Variants in MSH4 observed in about 807,000 individuals in gnomAD.
MSH4 encodes mutS protein homolog 4.
MSH4 carries 106 observed loss-of-function variants against 113.7 expected under a neutral mutation model. The observed-to-expected ratio is 0.93, with a 90% CI of 0.80 to 1.10. The LOEUF (loss-of-function observed/expected upper bound fraction) is 1.10, where lower values mean the gene tolerates loss of function less well. Among genes scored for constraint, MSH4 ranks in the 50% least tolerant of loss-of-function variants. MSH4 has a pLI of 0.00. For synonymous variants in MSH4, 368 were observed against 380.2 expected, an observed-to-expected ratio of 0.97 and a Z score of 0.37; for missense variants, 1,061 against 1,093.7, an observed-to-expected ratio of 0.97 and a Z score of 0.42.
chr1:75,831,092 A>G (rs1484734765), intron 7 of MSH4, among the ~76,000 whole-genome samples: 1 of 152,236 alleles, frequency 6.6e-6, no homozygotes, highest in East Asian at 1.9e-4. Flanking sequence ...GGGATGGAGG[A>G]AGGTGTACCA....
intron 7 of MSH4, among the ~76,000 whole-genome samples, chr1:75,837,386 CTTTTTTTT>C (rs34812368): frequency 9.4e-6 from 1 of 106,628 alleles, no homozygotes; most frequent in Non-Finnish European, 1.9e-5. Flanking sequence ...AAATTGTGCC[CTTTTTTTT>C]TTTTTTTTTT....
At position 75,855,695 on chromosome 1, in the gene MSH4, T is replaced by A. The variant is rs557850003; in HGVS notation, c.1230+7419T>A. On this transcript the variant is annotated intron_variant, in intron 8 of 19. Coordinates refer to ENST00000263187, the MANE Select transcript of MSH4 (RefSeq NM_002440.4). Reference sequence around the variant, plus strand: ...TTCACATGGCTGTCTTTGTATGACATCAATATTATTGGACTAGGGGCCTAC... The same window carrying A: ...TTCACATGGCTGTCTTTGTATGACAACAATATTATTGGACTAGGGGCCTAC... Among the ~76,000 whole-genome samples the A allele has an allele frequency of 2.0e-5, 3 of 152,298 alleles. No individual in the cohort carries two copies. The East Asian group carries it at 5.8e-4, about 29-fold the overall frequency.
At chr1:75,806,395 C>T (rs186016701) in intron 2 of MSH4, among the ~76,000 whole-genome samples, 9 of 151,790 alleles carry the variant, frequency 5.9e-5, no homozygotes, top group African/African-American at 2.2e-4. Flanking sequence ...CCACAGGCAC[C>T]TGCCACCACG....
intron 6 of MSH4, among the ~76,000 whole-genome samples, chr1:75,820,606 T>C (rs2100518781): frequency 2.0e-5 from 3 of 152,340 alleles, no homozygotes; most frequent in Admixed American, 2.0e-4. Flanking sequence ...TTTATTTGCA[T>C]AGAGGTGTTT....
intron 9 of MSH4, among the ~76,000 whole-genome samples, chr1:75,870,907 A>G (rs1186656283): frequency 6.6e-6 from 1 of 152,234 alleles, no homozygotes; most frequent in African/African-American, 2.4e-5. Context: ...TTCATGAAAC[A>G]CAAATTTTAA....
intron 8 of MSH4, among the ~76,000 whole-genome samples, chr1:75,860,518 T>TA (rs1379874268): frequency 6.6e-6 from 1 of 152,218 alleles, no homozygotes; most frequent in Non-Finnish European, 1.5e-5. Context: ...CTCCTTCACT[T>TA]ATGAATCTTA....
intron 4 of MSH4, among the ~76,000 whole-genome samples, chr1:75,811,553 G>A (rs1650189315): frequency 6.6e-6 from 1 of 152,106 alleles, no homozygotes; most frequent in South Asian, 2.1e-4. Flanking sequence ...AATTTAATTT[G>A]TATTACAGAA....
chr1:75,859,642 C>T (rs111476147), intron 8 of MSH4, among the ~76,000 whole-genome samples: 19,797 of 152,120 alleles, frequency 0.13, 1,500 homozygotes, highest in East Asian at 0.27. Flanking sequence ...GTTGTGATTT[C>T]TATTCTTATA....
chr1:75,880,896 CA>C, intron 13 of MSH4, among the ~76,000 whole-genome samples: 1 of 151,870 alleles, frequency 6.6e-6, no homozygotes, highest in East Asian at 1.9e-4. Context: ...AAGTGATTAG[CA>C]AATGGGATCT....
intron 8 of MSH4, among the ~76,000 whole-genome samples, chr1:75,849,679 A>T (rs1389837407): frequency 2.0e-5 from 3 of 152,204 alleles, no homozygotes; most frequent in Non-Finnish European, 2.9e-5. Flanking sequence ...TGATGTTTGG[A>T]ATTAAATTAG....
At chr1:75,836,302 C>CTTTTTTTTTTTTT (rs71071968) in intron 7 of MSH4, among the ~76,000 whole-genome samples, 1 of 135,962 alleles carries the variant, frequency 7.4e-6, no homozygotes, top group African/African-American at 2.7e-5. Context: ...CTTTCTTTTT[C>CTTTTTTTTTTTTT]TTTTTTTTTT....
chr1:75,860,154 G>T (rs1318152597), intron 8 of MSH4, among the ~76,000 whole-genome samples: 3 of 151,904 alleles, frequency 2.0e-5, no homozygotes, highest in African/African-American at 7.3e-5. Context: ...AGCCTTGTGT[G>T]TCTTTGCATG....
intron 3 of MSH4, among the ~76,000 whole-genome samples, chr1:75,807,987 C>T (rs193056723): frequency 1.3e-5 from 2 of 152,222 alleles, no homozygotes; most frequent in East Asian, 1.9e-4. Flanking sequence ...CACAGAAGTT[C>T]GTTATCACAA....
At chr1:75,832,716 C>T (rs1650730116) in intron 7 of MSH4, among the ~76,000 whole-genome samples, 1 of 152,084 alleles carries the variant, frequency 6.6e-6, no homozygotes. Flanking sequence ...GCAGAAAAGG[C>T]CTTCAGCAAA....
At chr1:75,842,970 G>T (rs1309501095) in intron 7 of MSH4, among the ~76,000 whole-genome samples, 1 of 152,158 alleles carries the variant, frequency 6.6e-6, no homozygotes, top group African/African-American at 2.4e-5. Flanking sequence ...CTGCCTTCGT[G>T]TTCCATCCTG....
chr1:75,848,839 A>T (rs1651130614), intron 8 of MSH4, among the ~76,000 whole-genome samples: 1 of 152,194 alleles, frequency 6.6e-6, no homozygotes, highest in Non-Finnish European at 1.5e-5. Context: ...GACTATAATA[A>T]TATTTGCCTA....
rs1401327865 is a variant in MSH4, at chr1:75,797,078, C to T, written c.93C>T (p.Tyr31=). The T allele has an allele frequency of 1.2e-6, 2 of 1,614,062 alleles. No individual in the cohort carries two copies. Among genetic ancestry groups the T allele is most frequent in the East Asian group, 2.2e-5 (1 of 44,876 alleles). Residue 31 remains tyrosine, a synonymous_variant, in exon 1 of 20, where the codon TAC becomes TAT. Transcript: ENST00000263187. ...CCCGCTCACCTCAGGGTCCCCGCTA[C>T]AATTTCGGACTCCAGGAGACTCCAC... ...GETRSPQGPR[Y]NFGLQETPQS...
intron 1 of MSH4, among the ~76,000 whole-genome samples, chr1:75,801,719 A>G (rs1649940518): frequency 6.6e-6 from 1 of 151,518 alleles, no homozygotes; most frequent in Admixed American, 6.6e-5. Flanking sequence ...ATAAAAAAAA[A>G]ATTAGCTGTG....
intron 7 of MSH4, among the ~76,000 whole-genome samples, chr1:75,831,023 A>G (rs1165825620): frequency 4.6e-5 from 7 of 152,262 alleles, no homozygotes; most frequent in African/African-American, 4.8e-5. Context: ...AGACCCATCA[A>G]TGTGCTGTAT....
Sources: gnomAD v4.1 joint callset for allele counts (sites outside exome capture counted in the v4.1 genomes callset) on GRCh38, gnomAD v4.1.1 for gene constraint, MANE v1.5 for transcripts, NCBI Gene and HGNC (gene_info 2026-07-23, HGNC 2026-07-21) for gene names.